FBXO45: variants seen among roughly 807,000 people sequenced by gnomAD.
FBXO45 encodes F-box protein 45.
A neutral mutation model predicts 25.5 loss-of-function variants in FBXO45; 3 were observed. The ratio of observed to expected loss-of-function variants is 0.12; its 90% CI spans 0.05 to 0.30. FBXO45 has a LOEUF of 0.30. Ranked by LOEUF, FBXO45 falls within the 10% of genes least tolerant of loss-of-function variation. The probability of loss-of-function intolerance (pLI) is 1.00; values close to 1 mark genes in which losing one functional copy is unlikely to be tolerated. For synonymous variants in FBXO45, 155 were observed against 149.8 expected (o/e 1.03, Z -0.25); for missense variants, 219 against 365.0 (o/e 0.60, Z 3.26).
chr3:196,570,265 CT>C (rs35858957), intron 1 of FBXO45, among the ~76,000 whole-genome samples: 68,033 of 142,090 alleles, frequency 0.48, 15,533 homozygotes, highest in Middle Eastern at 0.53. Flanking sequence ...ACATCCCCCC[CT>C]TTTTTTTTTT....
At position 196,569,300 on chromosome 3, in the gene FBXO45, A is replaced by T; in HGVS notation, c.316A>T (p.Lys106Ter). Residue 106 changes from lysine to a stop codon, truncating the protein, a stop_gained and splice_region_variant, in exon 1 of 3, where the codon AAG becomes TAG. Coordinates refer to ENST00000311630, the MANE Select transcript of FBXO45 (RefSeq NM_001105573.2). LOFTEE classifies it high-confidence loss of function. This position sits in a 1 kb window ranked among gnomAD's most constrained non-coding sequence, Gnocchi z 4.1. ...ILCNLPSYKA[K>*]IRAFQHAFST... ...GTGCAACCTGCCCAGCTACAAGGCC[A>T]AGGTGAGAGAGCCCCGGGCCACACC... The T allele has an allele frequency of 6.4e-7, 1 of 1,554,440 alleles. No individual in the cohort carries two copies. Among genetic ancestry groups the T allele is most frequent in the South Asian group, 1.2e-5 (1 of 84,554 alleles).
intron 2 of FBXO45, among the ~76,000 whole-genome samples, chr3:196,580,347 G>A (rs751732267): frequency 1.3e-5 from 2 of 152,096 alleles, no homozygotes; most frequent in Non-Finnish European, 2.9e-5. Context: ...GGGTAGCTGG[G>A]ATTACAGGCA....
rs1345083320 is a variant in FBXO45 at position 196,582,486 on chromosome 3, A to AGGAAAGT, written c.676-1646_676-1640dup. On this transcript the variant is annotated intron_variant, in intron 2 of 2. Transcript: ENST00000311630. ...TTACTGTTAACAGGAAATACAGTGA[A>AGGAAAGT]GGAAAGTAAATGACAATAGTAGGGG... 2.0e-5 allele frequency among the ~76,000 whole-genome samples: 3 copies of AGGAAAGT among 152,350 alleles called. No individual in the cohort carries two copies. The East Asian group carries it at 5.8e-4, about 29-fold the overall frequency.
chr3:196,571,224 TTTG>T (rs1385606364), intron 1 of FBXO45, among the ~76,000 whole-genome samples: 5 of 150,566 alleles, frequency 3.3e-5, no homozygotes, highest in South Asian at 2.1e-4. Context: ...ACTAGGAGTT[TTTG>T]TTGTTGTTTT....
Position 196,569,029 on chromosome 3 carries a change from TGGCTGTAGCGGCGGC to T in FBXO45, c.49_63del (p.Cys17_Gly21del). On this transcript the variant is annotated inframe_deletion, in exon 1 of 3. Transcript: ENST00000311630. This position sits in a 1 kb window ranked among gnomAD's most constrained non-coding sequence, Gnocchi z 4.1. ...GGGCTGGGGCAGCCTCGGGCGGCGC[TGGCTGTAGCGGCGGC>T]GGCGCGGGCGCGGGCGCGGGCTCGG... 3.8e-6 allele frequency: 4 copies of T among 1,045,180 alleles called. No individual in the cohort carries two copies. In the South Asian group the frequency reaches 1.3e-4, roughly 34 times the overall value. The allele number at this position is 1,045,180 out of a possible 1,614,324, so 64.7% of individuals were successfully genotyped here.
chr3:196,576,399 C>A (rs1187672682), intron 1 of FBXO45, among the ~76,000 whole-genome samples: 1 of 152,120 alleles, frequency 6.6e-6, no homozygotes, highest in Non-Finnish European at 1.5e-5. Context: ...AACATACTAG[C>A]CAGGCAGGCG....
rs1363824934 is a variant in FBXO45, at chr3:196,588,860, A to G, written c.*4542A>G. ...AATTCTGTTCTAGTCCCAGTGAAGC[A>G]GGAAGGAAAGGGTTGCAAACTTGAG... is the stretch of plus-strand genomic sequence containing the variant. On this transcript the variant is annotated 3_prime_UTR_variant, in exon 3 of 3. Transcript: ENST00000311630. This position sits in a 1 kb window ranked among gnomAD's most constrained non-coding sequence, Gnocchi z 4.2. 1 of 152,238 alleles carries G rather than the reference A, an allele frequency of 6.6e-6. No homozygotes were observed. Among genetic ancestry groups the G allele is most frequent in the African/African-American group, 2.4e-5 (1 of 41,468 alleles). 9.4% of individuals were successfully genotyped at this position (152,238 alleles called of 1,614,324 possible).
intron 1 of FBXO45, among the ~76,000 whole-genome samples, chr3:196,572,137 G>GTA (rs1735836005): frequency 6.6e-6 from 1 of 152,148 alleles, no homozygotes; most frequent in South Asian, 2.1e-4. Context: ...GGAAGAGGAA[G>GTA]TACTCTGAGC....
rs1736156093 is a variant in FBXO45 at position 196,587,390 on chromosome 3, T to C, written c.*3072T>C. Reference sequence around the variant, plus strand: ...CCCTCATTCACATAAAGTGTAGATATGGATTCAATAAGACACCAAAAGAAA... The same window carrying C: ...CCCTCATTCACATAAAGTGTAGATACGGATTCAATAAGACACCAAAAGAAA... On this transcript the variant is annotated 3_prime_UTR_variant, in exon 3 of 3. Coordinates refer to ENST00000311630, the MANE Select transcript of FBXO45 (RefSeq NM_001105573.2). 6.6e-6 allele frequency: 1 copy of C among 152,380 alleles called. No individual in the cohort carries two copies. The highest frequency in any genetic ancestry group is 2.4e-5 in the African/African-American group (1 of 41,592). 9.4% of individuals were successfully genotyped at this position (152,380 alleles called of 1,614,324 possible).
chr3:196,581,155 T>C (rs529773138), intron 2 of FBXO45, among the ~76,000 whole-genome samples: 1 of 152,164 alleles, frequency 6.6e-6, no homozygotes, highest in African/African-American at 2.4e-5. Flanking sequence ...ACCTCTGCTA[T>C]TGAACTGGGC....
rs1227772114 is a variant in FBXO45, at chr3:196,569,072, T to C, written c.88T>C (p.Ser30Pro). The C allele has an allele frequency of 7.1e-7, 1 of 1,403,704 alleles. No homozygotes were observed. Among genetic ancestry groups the C allele is most frequent in the South Asian group, 1.4e-5 (1 of 70,696 alleles). The allele number at this position is 1,403,704 out of a possible 1,614,324, so 87.0% of individuals were successfully genotyped here. Residue 30 changes from serine (S) to proline (P), a missense_variant, in exon 1 of 3, where the codon TCT becomes CCT. Around this residue, in one of 4 missense-constraint regions of FBXO45, gnomAD observed 138 missense variants for 157.3 expected, o/e 0.88. Coordinates refer to ENST00000311630, the MANE Select transcript of FBXO45 (RefSeq NM_001105573.2). The surrounding 1 kb of genome is among the most constrained non-coding windows in gnomAD (Gnocchi z 4.1). ...CGCGGGCGCGGGCGCGGGCTCGGGCTCTGGGGCCGCGGGGGCCGGGGGCCG... is the reference window on the plus strand; with the variant it reads ...CGCGGGCGCGGGCGCGGGCTCGGGCCCTGGGGCCGCGGGGGCCGGGGGCCG... ...GGAGAGAGSGSGAAGAGGRLP... is the reference protein window; with the variant it reads ...GGAGAGAGSGPGAAGAGGRLP...
rs960616159 is a variant in FBXO45, at chr3:196,586,667, G to T, written c.*2349G>T. ...GAAGACAGTTGCGCCTGAAGATTGA[G>T]TGTAAATCATTCAAACCAGTGGTTC... On this transcript the variant is annotated 3_prime_UTR_variant, in exon 3 of 3. Coordinates refer to ENST00000311630, the MANE Select transcript of FBXO45 (RefSeq NM_001105573.2). 2.0e-5 allele frequency: 3 copies of T among 152,202 alleles called. No individual in the cohort carries two copies. Among genetic ancestry groups the T allele is most frequent in the Non-Finnish European group, 4.4e-5 (3 of 68,042 alleles). The allele number at this position is 152,202 out of a possible 1,614,324, so 9.4% of individuals were successfully genotyped here.
rs1216416785 is a variant in FBXO45, at chr3:196,587,344, G to A, written c.*3026G>A. On this transcript the variant is annotated 3_prime_UTR_variant, in exon 3 of 3. Transcript: ENST00000311630. ...TATTTTCTCATTATTTGACTTAAAT[G>A]TTAAGCCATTTATTTCATCTCCCTC... The A allele has an allele frequency of 2.6e-5, 4 of 152,166 alleles. No individual in the cohort carries two copies. Among genetic ancestry groups the A allele is most frequent in the Admixed American group, 2.0e-4 (3 of 15,288 alleles). 9.4% of individuals were successfully genotyped at this position (152,166 alleles called of 1,614,324 possible). A position where few individuals can be genotyped will look rare whatever the true frequency, so the allele number is the denominator to read the frequency against.
chr3:196,571,637 A>C (rs769161108), intron 1 of FBXO45, among the ~76,000 whole-genome samples: 1 of 152,256 alleles, frequency 6.6e-6, no homozygotes, highest in East Asian at 1.9e-4. Flanking sequence ...TCAAGCTTCA[A>C]TAGAAGCAAA....
At chr3:196,581,223 CTTTTTTTTTTTTT>C (rs33962634) in intron 2 of FBXO45, among the ~76,000 whole-genome samples, 14 of 63,676 alleles carry the variant, frequency 2.2e-4, no homozygotes, top group South Asian at 1.3e-3. Context: ...TTTCTTTTTC[CTTTTTTTTTTTTT>C]TTTTTTTTTT....
At chr3:196,579,511 T>C (rs114311582) in intron 2 of FBXO45, among the ~76,000 whole-genome samples, 7 of 152,378 alleles carry the variant, frequency 4.6e-5, no homozygotes, top group African/African-American at 1.7e-4. Flanking sequence ...TCAGAGAACA[T>C]GCTCTATGGT....
At chr3:196,578,032 T>C (rs754603065) in intron 2 of FBXO45, among the ~76,000 whole-genome samples, 6 of 133,564 alleles carry the variant, frequency 4.5e-5, no homozygotes, top group Non-Finnish European at 9.7e-5. Context: ...ATTTTGGCTA[T>C]GCAGAAAAAT....
intron 2 of FBXO45, among the ~76,000 whole-genome samples, chr3:196,579,091 C>G (rs530681859): frequency 2.0e-5 from 3 of 152,142 alleles, no homozygotes; most frequent in African/African-American, 4.8e-5. Context: ...TTCTTTTCAT[C>G]TTAGGCTTAA....
chr3:196,571,696 C>T (rs1374090114), intron 1 of FBXO45, among the ~76,000 whole-genome samples: 3 of 152,166 alleles, frequency 2.0e-5, no homozygotes, highest in East Asian at 1.9e-4. Context: ...CTCAGCTACC[C>T]GGTTCCTCTC....
Sources: allele counts gnomAD v4.1 joint callset (sites outside exome capture counted in the v4.1 genomes callset), GRCh38; gene constraint gnomAD v4.1.1; regional missense constraint gnomAD v4.1.1; non-coding constraint Gnocchi (gnomAD v3.1); transcripts MANE v1.5; gene names NCBI Gene and HGNC (gene_info 2026-07-23, HGNC 2026-07-21).